Variants in AGBL4 observed in about 807,000 individuals in gnomAD.
AGBL4 encodes the protein AGBL carboxypeptidase 4.
In AGBL4, 58 loss-of-function variants were observed where a neutral mutation model predicts 66.4. The ratio of observed to expected loss-of-function variants is 0.87; its 90% CI spans 0.71 to 1.09. The LOEUF is 1.09. Among genes scored for constraint, AGBL4 ranks in the 50% least tolerant of loss-of-function variants. The pLI, the probability that AGBL4 is intolerant of heterozygous loss-of-function variation, is 0.00. For missense variants in AGBL4, 579 were observed against 631.0 expected (o/e 0.92, Z 0.88); for synonymous variants, 234 against 222.9 (o/e 1.05, Z -0.44).
At chr1:48,838,419 C>A (rs1255430110) in intron 6 of AGBL4, among the ~76,000 whole-genome samples, 1 of 152,006 alleles carries the variant, frequency 6.6e-6, no homozygotes, top group Non-Finnish European at 1.5e-5. Flanking sequence ...ACAAAGGCAT[C>A]AAGAACAAAC....
chr1:49,710,003 T>G (rs1647521531), intron 2 of AGBL4, among the ~76,000 whole-genome samples: 1 of 152,212 alleles, frequency 6.6e-6, no homozygotes, highest in Non-Finnish European at 1.5e-5. Context: ...GAGTGTAAAT[T>G]AGTTCAACCA....
intron 2 of AGBL4, among the ~76,000 whole-genome samples, chr1:49,843,449 T>C (rs549528829): frequency 6.6e-6 from 1 of 152,296 alleles, no homozygotes; most frequent in African/African-American, 2.4e-5. Flanking sequence ...AAGAATCCAT[T>C]TATTTGCATT....
chr1:49,147,334 C>T (rs770814369), intron 4 of AGBL4, among the ~76,000 whole-genome samples: 10 of 152,172 alleles, frequency 6.6e-5, no homozygotes, highest in Admixed American at 5.2e-4. Flanking sequence ...TTCTCTTCTA[C>T]CACACTGCCC....
intron 3 of AGBL4, among the ~76,000 whole-genome samples, chr1:49,457,647 T>C (rs1260502951): frequency 6.6e-6 from 1 of 151,768 alleles, no homozygotes; most frequent in Non-Finnish European, 1.5e-5. Context: ...AGTCACTGTC[T>C]AGAAGGGTTT....
chr1:49,711,719 T>C (rs1353476215), intron 2 of AGBL4, among the ~76,000 whole-genome samples: 1 of 152,060 alleles, frequency 6.6e-6, no homozygotes, highest in Non-Finnish European at 1.5e-5. Flanking sequence ...TTAATGTTGT[T>C]CAGTTACACA....
chr1:49,589,329 C>T (rs1644709905), intron 3 of AGBL4, among the ~76,000 whole-genome samples: 1 of 152,068 alleles, frequency 6.6e-6, no homozygotes. Flanking sequence ...GGAGAAGCAA[C>T]ACTGTGACTT....
intron 2 of AGBL4, among the ~76,000 whole-genome samples, chr1:49,758,725 T>TC (rs397791815): frequency 1.3e-5 from 2 of 151,696 alleles, no homozygotes; most frequent in Non-Finnish European, 2.9e-5. Context: ...TTTTTTTTTT[T>TC]AACAGGCTCA....
In AGBL4 at chr1:49,783,544, T is replaced by C. The variant is rs376050673; in HGVS notation, c.157+67852A>G. On this transcript the variant is annotated intron_variant, in intron 2 of 13. Coordinates refer to ENST00000371839, the MANE Select transcript of AGBL4 (RefSeq NM_032785.4). ...TCTACTAAAAAGCCCACAACTAATA[T>C]CATACTTAATAGTGAAAGACGGCTA... 7.9e-5 allele frequency among the ~76,000 whole-genome samples: 12 copies of C among 152,160 alleles called. 1 individual carries two copies. In the East Asian group the frequency reaches 1.4e-3, roughly 17 times the overall value.
intron 9 of AGBL4, among the ~76,000 whole-genome samples, chr1:48,600,807 A>G (rs1645063670): frequency 6.6e-6 from 1 of 152,210 alleles, no homozygotes; most frequent in Non-Finnish European, 1.5e-5. Flanking sequence ...AAGCAGCAAG[A>G]TGAGAAATAA....
At chr1:48,815,852 T>G (rs561496381) in intron 6 of AGBL4, among the ~76,000 whole-genome samples, 2 of 152,306 alleles carry the variant, frequency 1.3e-5, no homozygotes, top group African/African-American at 4.8e-5. Context: ...ACGCTAATGT[T>G]ATTAGCTGTT....
intron 4 of AGBL4, among the ~76,000 whole-genome samples, chr1:49,136,753 T>C (rs1291724531): frequency 1.3e-5 from 2 of 152,150 alleles, no homozygotes; most frequent in Non-Finnish European, 1.5e-5. Flanking sequence ...AAAACATAAA[T>C]ACAGAAGCTT....
At chr1:48,557,621 C>T (rs1644340488) in intron 11 of AGBL4, among the ~76,000 whole-genome samples, 1 of 152,200 alleles carries the variant, frequency 6.6e-6, no homozygotes, top group South Asian at 2.1e-4. Flanking sequence ...CAATGGCTCT[C>T]TAGCCCCCTT....
chr1:49,037,970 A>C (rs556825429), intron 5 of AGBL4, among the ~76,000 whole-genome samples: 5 of 152,186 alleles, frequency 3.3e-5, no homozygotes, highest in African/African-American at 1.2e-4. Flanking sequence ...AATCTCATTA[A>C]ATCTCCATCT....
intron 6 of AGBL4, among the ~76,000 whole-genome samples, chr1:48,739,660 G>A (rs1649607015): frequency 6.6e-6 from 1 of 152,178 alleles, no homozygotes; most frequent in Admixed American, 6.5e-5. Context: ...ACAGTCAGCA[G>A]ATCAGTGCTA....
intron 3 of AGBL4, among the ~76,000 whole-genome samples, chr1:49,376,744 A>C (rs1644480226): frequency 6.6e-6 from 1 of 152,086 alleles, no homozygotes; most frequent in Non-Finnish European, 1.5e-5. Flanking sequence ...ATCTTCCCAG[A>C]AATCCCCATG....
intron 6 of AGBL4, among the ~76,000 whole-genome samples, chr1:48,723,073 T>C (rs1195496275): frequency 6.6e-6 from 1 of 151,668 alleles, no homozygotes; most frequent in Non-Finnish European, 1.5e-5. Flanking sequence ...CACATGGCTG[T>C]CTAAATCCAC....
chr1:49,595,101 T>G (rs1644826839), intron 3 of AGBL4, among the ~76,000 whole-genome samples: 1 of 152,130 alleles, frequency 6.6e-6, no homozygotes, highest in Non-Finnish European at 1.5e-5. Context: ...TGGTTTTATT[T>G]TTTTCTTGAG....
intron 2 of AGBL4, chr1:49,846,082 C>G: frequency 4.5e-6 from 7 of 1,557,966 alleles, no homozygotes; most frequent in Non-Finnish European, 6.2e-6. Context: ...GAGAGAAACC[C>G]TATGAATGTA....
chr1:49,790,396 C>T (rs1644568667), intron 2 of AGBL4, among the ~76,000 whole-genome samples: 1 of 148,468 alleles, frequency 6.7e-6, no homozygotes, highest in South Asian at 2.1e-4. Context: ...GCTCAGTAAA[C>T]CCCAAGCAAG....
Sources: allele counts gnomAD v4.1 joint callset (sites outside exome capture counted in the v4.1 genomes callset), GRCh38; gene constraint gnomAD v4.1.1; transcripts MANE v1.5; gene names NCBI Gene and HGNC (gene_info 2026-07-23, HGNC 2026-07-21).